The following GRAMD1B variants were observed in gnomAD, a reference collection of about 807,000 sequenced individuals.
The protein encoded by GRAMD1B is protein Aster-B.
Under a neutral mutation model 99.7 loss-of-function variants are expected in GRAMD1B, and 37 were observed. The ratio of observed to expected loss-of-function variants is 0.37; its 90% CI spans 0.29 to 0.49. The LOEUF is 0.49. Ranked by LOEUF, GRAMD1B falls within the 20% of genes least tolerant of loss-of-function variation. The pLI is 0.98. For missense variants in GRAMD1B, 888 were observed against 1,009.2 expected (o/e 0.88, Z 1.63); for synonymous variants, 427 against 387.6 (o/e 1.10, Z -1.19).
chr11:123,554,907 T>C (rs922224517), intron 2 of GRAMD1B, among the ~76,000 whole-genome samples: 1 of 152,168 alleles, frequency 6.6e-6, no homozygotes, highest in African/African-American at 2.4e-5. Flanking sequence ...TCAGAACTTA[T>C]TGGAGAGGGT....
In GRAMD1B at chr11:123,408,661, G is replaced by A. The variant is rs118124051; in HGVS notation, c.-176+49862G>A. Reference sequence around the variant, plus strand: ...GTTGTCCATAGGAAAGACTGAAGAAGTTTGGCAAGACTACCTATGTGCTTA... The same window carrying A: ...GTTGTCCATAGGAAAGACTGAAGAAATTTGGCAAGACTACCTATGTGCTTA... On this transcript the variant is annotated intron_variant, in intron 1 of 20. Transcript: ENST00000638157. Among the ~76,000 whole-genome samples the A allele has an allele frequency of 4.0e-3, 614 of 152,350 alleles. 2 individuals carry two copies. Among genetic ancestry groups the A allele is most frequent in the Non-Finnish European group, 6.4e-3 (438 of 68,034 alleles).
At chr11:123,366,118 A>C (rs1057225490) in intron 1 of GRAMD1B, among the ~76,000 whole-genome samples, 1 of 152,226 alleles carries the variant, frequency 6.6e-6, no homozygotes, top group East Asian at 1.9e-4. Context: ...GGCAGCAATC[A>C]ATAGAAAATG....
intron 2 of GRAMD1B, among the ~76,000 whole-genome samples, chr11:123,482,338 A>AT (rs1405269786): frequency 9.2e-5 from 14 of 152,060 alleles, no homozygotes; most frequent in African/African-American, 3.4e-4. Context: ...GCCTCAAGTG[A>AT]TTCACCTGCT....
intron 1 of GRAMD1B, among the ~76,000 whole-genome samples, chr11:123,413,845 C>A (rs931648942): frequency 6.6e-6 from 1 of 152,048 alleles, no homozygotes; most frequent in Non-Finnish European, 1.5e-5. Context: ...GCAAGAATGA[C>A]CTTGGGTGGC....
rs1955358275 is a variant in GRAMD1B at position 123,624,039 on chromosome 11, C to A, written c.*1444C>A. 1 of 152,256 alleles carries A rather than the reference C, an allele frequency of 6.6e-6. No individual in the cohort carries two copies. The highest frequency in any genetic ancestry group is 6.5e-5 in the Admixed American group (1 of 15,290). The allele number at this position is 152,256 out of a possible 1,614,324, so 9.4% of individuals were successfully genotyped here. ...CACGGGGCCCTCTGGGCACATTCAT[C>A]ATCCCTCATACACTAACTACTGTTT... On this transcript the variant is annotated 3_prime_UTR_variant, in exon 20 of 20. Coordinates refer to ENST00000635736, the MANE Select transcript of GRAMD1B (RefSeq NM_001387025.1).
chr11:123,412,913 C>A (rs966975012), intron 1 of GRAMD1B, among the ~76,000 whole-genome samples: 1 of 152,126 alleles, frequency 6.6e-6, no homozygotes, highest in South Asian at 2.1e-4. Flanking sequence ...TCCCGAGTAG[C>A]TGGGAATACA....
chr11:123,537,210 G>T (rs1028486800), intron 2 of GRAMD1B, among the ~76,000 whole-genome samples: 2 of 152,068 alleles, frequency 1.3e-5, no homozygotes, highest in African/African-American at 4.8e-5. Context: ...TTTCAGGTAG[G>T]GTCTTATAGG....
intron 3 of GRAMD1B, chr11:123,578,534 A>G (rs1202845804): frequency 1.2e-6 from 1 of 827,624 alleles, no homozygotes; most frequent in African/African-American, 1.7e-5. Context: ...TGGCCCTTAT[A>G]TCCTGCTTGG....
intron 1 of GRAMD1B, among the ~76,000 whole-genome samples, chr11:123,386,736 A>T (rs1284759941): frequency 6.6e-6 from 1 of 152,210 alleles, no homozygotes; most frequent in Non-Finnish European, 1.5e-5. Flanking sequence ...GGCATGAGCC[A>T]CCATGCCCAG....
Position 123,589,612 on chromosome 11 carries a change from TTTTATATA to T in GRAMD1B, c.685-4468_685-4461del, listed in dbSNP as rs1438804264. Among the ~76,000 whole-genome samples the T allele has an allele frequency of 1.3e-4, 17 of 130,674 alleles. 1 individual carries two copies. In the South Asian group the frequency reaches 2.7e-3, roughly 21 times the overall value. The allele number at this position is 130,674 out of a possible 152,430, so 85.7% of individuals were successfully genotyped here. ...ACACCTGCCACCATGTGTGGCTAAT[TTTTATATA>T]TATATATATATATATATTTGTAGTA... On this transcript the variant is annotated intron_variant, in intron 4 of 19. Coordinates refer to ENST00000635736, the MANE Select transcript of GRAMD1B (RefSeq NM_001387025.1).
At chr11:123,505,704 G>A (rs1940353753) in intron 2 of GRAMD1B, among the ~76,000 whole-genome samples, 1 of 152,136 alleles carries the variant, frequency 6.6e-6, no homozygotes, top group Non-Finnish European at 1.5e-5. Context: ...AATTCAAGCT[G>A]AAACTCTTCC....
intron 1 of GRAMD1B, among the ~76,000 whole-genome samples, chr11:123,393,379 A>G (rs1385527280): frequency 1.3e-5 from 2 of 152,222 alleles, no homozygotes; most frequent in Non-Finnish European, 2.9e-5. Context: ...ACCACGGTTT[A>G]TTGCCACAGA....
intron 1 of GRAMD1B, among the ~76,000 whole-genome samples, chr11:123,410,684 A>T (rs1406828436): frequency 1.3e-5 from 2 of 152,106 alleles, no homozygotes; most frequent in African/African-American, 2.4e-5. Flanking sequence ...TGAGGGTTTG[A>T]GGAAAGACAA....
chr11:123,578,371 A>G, intron 3 of GRAMD1B: 1 of 1,495,946 alleles, frequency 6.7e-7, no homozygotes, highest in Non-Finnish European at 9.0e-7. Flanking sequence ...CTTCTTCCCC[A>G]CCATTTCCCA....
chr11:123,395,022 G>A (rs1947412251), intron 1 of GRAMD1B, among the ~76,000 whole-genome samples: 1 of 152,146 alleles, frequency 6.6e-6, no homozygotes, highest in African/African-American at 2.4e-5. Context: ...TTCTAATACT[G>A]TTATGATTAA....
At chr11:123,598,494 A>G (rs1399665681) in intron 7 of GRAMD1B, 11 of 1,230,364 alleles carry the variant, frequency 8.9e-6, no homozygotes, top group East Asian at 7.0e-5. Context: ...TAGAAAAGCA[A>G]TGTCTTTGTT....
At chr11:123,453,649 T>C (rs1316019907) in intron 1 of GRAMD1B, among the ~76,000 whole-genome samples, 1 of 152,190 alleles carries the variant, frequency 6.6e-6, no homozygotes, top group East Asian at 1.9e-4. Context: ...AACCTGGATA[T>C]TCCTTAGGGC....
intron 2 of GRAMD1B, among the ~76,000 whole-genome samples, chr11:123,487,988 T>C (rs1034280505): frequency 6.6e-6 from 1 of 152,224 alleles, no homozygotes. Context: ...ACTGGGTGTC[T>C]TGTACATCAC....
At chr11:123,424,487 C>T (rs1254598230) in intron 1 of GRAMD1B, among the ~76,000 whole-genome samples, 1 of 152,028 alleles carries the variant, frequency 6.6e-6, no homozygotes, top group Non-Finnish European at 1.5e-5. Flanking sequence ...AAACAACCAA[C>T]CAAAAACCCT....
Sources: gnomAD v4.1 joint callset for allele counts (sites outside exome capture counted in the v4.1 genomes callset) on GRCh38, gnomAD v4.1.1 for gene constraint, MANE v1.5 for transcripts, NCBI Gene and HGNC (gene_info 2026-07-23, HGNC 2026-07-21) for gene names.